Variants in SGSM2 observed in about 807,000 individuals in gnomAD.
SGSM2 encodes the protein small G protein signaling modulator 2.
In SGSM2, 89 loss-of-function variants were observed where a neutral mutation model predicts 126.6. That is an observed-to-expected ratio of 0.70 (90% CI 0.59 to 0.84). SGSM2 has a LOEUF of 0.84. Among genes scored for constraint, SGSM2 ranks in the 40% least tolerant of loss-of-function variants. The pLI, the probability that SGSM2 is intolerant of heterozygous loss-of-function variation, is 0.00. For synonymous variants in SGSM2, 614 were observed against 574.3 expected, an observed-to-expected ratio of 1.07 and a Z score of -0.99; for missense variants, 1,404 against 1,416.6, an observed-to-expected ratio of 0.99 and a Z score of 0.14.
At chr17:2,338,789 A>ATATAT (rs1483751869) in intron 1 of SGSM2, among the ~76,000 whole-genome samples, 2 of 148,232 alleles carry the variant, frequency 1.3e-5, no homozygotes, top group Non-Finnish European at 3.0e-5. Context: ...ATATATATAT[A>ATATAT]ACCTCACGCC....
At chr17:2,340,706 T>A (rs1424210154) in intron 1 of SGSM2, among the ~76,000 whole-genome samples, 1 of 151,932 alleles carries the variant, frequency 6.6e-6, no homozygotes, top group African/African-American at 2.4e-5. Flanking sequence ...TGCCTCAGCC[T>A]TCTGAGTAGC....
chr17:2,371,950 GGTGAA>G, intron 13 of SGSM2: 1 of 552,136 alleles, frequency 1.8e-6, no homozygotes, highest in Non-Finnish European at 3.2e-6. Flanking sequence ...GATTCATGTA[GGTGAA>G]GTTCGTTGAC....
chr17:2,344,709 A>G (rs2064518912), intron 2 of SGSM2, among the ~76,000 whole-genome samples: 1 of 139,942 alleles, frequency 7.1e-6, no homozygotes, highest in African/African-American at 2.6e-5. Flanking sequence ...CTAGGAAGAA[A>G]AAACATGTGG....
chr17:2,338,051 G>T lies in SGSM2; in HGVS notation c.57+306G>T, dbSNP rs1208424834. 2.0e-5 allele frequency among the ~76,000 whole-genome samples: 3 copies of T among 152,076 alleles called. No individual in the cohort carries two copies. The East Asian group carries it at 5.8e-4, about 30-fold the overall frequency. ...AGGGGTGGCGGCGATGGCGGGGATG[G>T]CTGGATCCGGAGCTGCCCATTCAGT... is the stretch of plus-strand genomic sequence containing the variant. On this transcript the variant is annotated intron_variant, in intron 1 of 23. Coordinates refer to ENST00000268989, the MANE Select transcript of SGSM2 (RefSeq NM_014853.3).
In SGSM2 at chr17:2,362,298, A is replaced by G. The variant is rs62067014; in HGVS notation, c.458+28A>G. Reference sequence around the variant, plus strand: ...GACCGCCCCGTTCCCCAAAAACTGCAGGTGACCACCCCGTTCCCCCCAAAA... The same window carrying G: ...GACCGCCCCGTTCCCCAAAAACTGCGGGTGACCACCCCGTTCCCCCCAAAA... On this transcript the variant is annotated intron_variant, in intron 4 of 23. Coordinates refer to ENST00000268989, the MANE Select transcript of SGSM2 (RefSeq NM_014853.3). The surrounding 1 kb of genome is among the most constrained non-coding windows in gnomAD (Gnocchi z 4.9). 0.087 allele frequency: 137,477 copies of G among 1,579,252 alleles called. 9,807 individuals carry two copies. The highest frequency in any genetic ancestry group is 0.31 in the African/African-American group (21,755 of 70,510).
At position 2,380,402 on chromosome 17, in the gene SGSM2, C is replaced by T; in HGVS notation, c.*882C>T. On this transcript the variant is annotated 3_prime_UTR_variant, in exon 24 of 24. Transcript: ENST00000268989. The stretch of plus-strand genomic sequence containing the variant: ...TCCGGTCACAGCCTCCCCTCAGAGA[C>T]AGGCCTCAGTTCGAGGGCAGCCCAT... The T allele has an allele frequency of 8.5e-7, 1 of 1,175,414 alleles. No individual in the cohort carries two copies. The highest frequency in any genetic ancestry group is 1.5e-5 in the African/African-American group (1 of 66,072). The allele number at this position is 1,175,414 out of a possible 1,614,324, so 72.8% of individuals were successfully genotyped here.
intron 13 of SGSM2, 36 bp downstream of exon 13, chr17:2,371,451 G>A: frequency 6.4e-7 from 1 of 1,557,248 alleles, no homozygotes; most frequent in Non-Finnish European, 8.7e-7. Context: ...CTTCCCGTTA[G>A]CGTGTCCAGC....
At chr17:2,345,553 G>A (rs1273849332) in intron 2 of SGSM2, among the ~76,000 whole-genome samples, 4 of 140,430 alleles carry the variant, frequency 2.8e-5, no homozygotes, top group African/African-American at 5.4e-5. Context: ...CCAAGATCGC[G>A]CCACTGCACT....
rs1266462948 is a variant in SGSM2, at chr17:2,372,379, C to T, written c.1679C>T (p.Thr560Ile). Residue 560 changes from threonine (T) to isoleucine (I), a missense_variant, in exon 15 of 24, where the codon ACC becomes ATC. Thr to Ile is a moderately conservative substitution (Grantham distance 89). Coordinates refer to ENST00000268989, the MANE Select transcript of SGSM2 (RefSeq NM_014853.3). This position sits in a 1 kb window ranked among gnomAD's most constrained non-coding sequence, Gnocchi z 6.0. ...TGCCGCCACCTGTCCACGGTGCGGA[C>T]CCACCTGTCGGCGCTGGTGCACCAT... ...AHCRHLSTVRTHLSALVHHSV... is the reference protein window; with the variant it reads ...AHCRHLSTVRIHLSALVHHSV... The T allele has an allele frequency of 6.3e-7, 1 of 1,591,786 alleles. No homozygotes were observed. Among genetic ancestry groups the T allele is most frequent in the Non-Finnish European group, 8.5e-7 (1 of 1,170,798 alleles).
At chr17:2,376,068 C>T (rs541520703) in intron 18 of SGSM2, 69 bp from the exon 19 acceptor site, 12 of 1,603,000 alleles carry the variant, frequency 7.5e-6, no homozygotes, top group South Asian at 6.6e-5. Flanking sequence ...TTTCTTGGGG[C>T]GTCACCTCCT....
At chr17:2,379,377 C>T (rs1567855923) in intron 23 of SGSM2, 55 bp from the exon 24 acceptor site, 1 of 1,580,312 alleles carries the variant, frequency 6.3e-7, no homozygotes, top group South Asian at 1.1e-5. Context: ...CAGCCACCTC[C>T]TAGCCTGCTG....
In SGSM2 at chr17:2,364,051, C is replaced by A; in HGVS notation, c.808-8C>A. The A allele has an allele frequency of 1.2e-6, 2 of 1,613,982 alleles. No individual in the cohort carries two copies. Among genetic ancestry groups the A allele is most frequent in the Non-Finnish European group, 1.7e-6 (2 of 1,180,020 alleles). ...TCATCGTCGGTCTTCCGGTGTCTCCCGCTGTAGAAGGAGGATATGGAGGCG... is the reference window on the plus strand; with the variant it reads ...TCATCGTCGGTCTTCCGGTGTCTCCAGCTGTAGAAGGAGGATATGGAGGCG... On this transcript the variant is annotated splice_region_variant and splice_polypyrimidine_tract_variant and intron_variant, in intron 7 of 23. Coordinates refer to ENST00000268989, the MANE Select transcript of SGSM2 (RefSeq NM_014853.3).
Position 2,371,424 on chromosome 17 carries a change from G to C in SGSM2, c.1577+9G>C, listed in dbSNP as rs2065865429. On this transcript the variant is annotated intron_variant, in intron 13 of 23. Transcript: ENST00000268989. Reference sequence around the variant, plus strand: ...AGCTGCATCCCCGACCGGTGAGTGGGCAGCGCTCGGCCCCAGCTTCCCGTT... The same window carrying C: ...AGCTGCATCCCCGACCGGTGAGTGGCCAGCGCTCGGCCCCAGCTTCCCGTT... 6.3e-7 allele frequency: 1 copy of C among 1,581,288 alleles called. No individual in the cohort carries two copies. The highest frequency in any genetic ancestry group is 1.1e-5 in the South Asian group (1 of 87,424).
intron 1 of SGSM2, among the ~76,000 whole-genome samples, chr17:2,338,070 AT>A (rs2064164653): frequency 6.6e-6 from 1 of 151,754 alleles, no homozygotes; most frequent in Non-Finnish European, 1.5e-5. Context: ...GGAGCTGCCC[AT>A]TCAGTGCCCG....
At chr17:2,351,126 G>A (rs1052894340) in intron 2 of SGSM2, among the ~76,000 whole-genome samples, 12 of 152,180 alleles carry the variant, frequency 7.9e-5, no homozygotes, top group Admixed American at 3.9e-4. Context: ...GATGGTGGGT[G>A]CCTGTAATCC....
At position 2,376,410 on chromosome 17, in the gene SGSM2, C is replaced by T. The variant is rs1181227823; in HGVS notation, c.2609+149C>T. On this transcript the variant is annotated intron_variant, in intron 19 of 23. Coordinates refer to ENST00000268989, the MANE Select transcript of SGSM2 (RefSeq NM_014853.3). ...GCCTGGAACGCTTTTTTCCTGCACA[C>T]CCCTCCCCCGCGCCTCTTCATTCTT... 15 of 926,554 alleles carry T rather than the reference C, an allele frequency of 1.6e-5. No homozygotes were observed. The South Asian group carries it at 2.2e-4, about 14-fold the overall frequency. The allele number at this position is 926,554 out of a possible 1,614,324, so 57.4% of individuals were successfully genotyped here.
intron 12 of SGSM2, 56 bp from the exon 13 acceptor site, chr17:2,371,206 G>A (rs899887324): frequency 6.4e-7 from 1 of 1,556,584 alleles, no homozygotes. Flanking sequence ...ATGGTGCAGG[G>A]TGCCTGGGAG....
In SGSM2 at chr17:2,343,592, A is replaced by G; in HGVS notation, c.105A>G (p.Glu35=). The G allele has an allele frequency of 1.2e-6, 2 of 1,614,216 alleles. No homozygotes were observed. Among genetic ancestry groups the G allele is most frequent in the Non-Finnish European group, 8.5e-7 (1 of 1,180,024 alleles). Residue 35 remains glutamate (E), a synonymous_variant, in exon 2 of 24, where the codon GAA becomes GAG. Transcript: ENST00000268989. The part of the protein sequence containing the change: ...EEAVTRKFVH[E]DSSHIIALCG... Reference sequence around the variant, plus strand: ...CTGTCACCAGGAAGTTTGTGCATGAAGACAGCAGCCACATCATTGCTTTAT... The same window carrying G: ...CTGTCACCAGGAAGTTTGTGCATGAGGACAGCAGCCACATCATTGCTTTAT...
chr17:2,348,451 TA>T (rs1359511584), intron 2 of SGSM2, among the ~76,000 whole-genome samples: 1 of 152,184 alleles, frequency 6.6e-6, no homozygotes, highest in Admixed American at 6.5e-5. Context: ...ATTCTCTTGC[TA>T]TCTAACTCGT....
Sources: allele counts gnomAD v4.1 joint callset (sites outside exome capture counted in the v4.1 genomes callset), GRCh38; gene constraint gnomAD v4.1.1; non-coding constraint Gnocchi (gnomAD v3.1); transcripts MANE v1.5; gene names NCBI Gene and HGNC (gene_info 2026-07-23, HGNC 2026-07-21).